WWOX: variants seen among roughly 807,000 people sequenced by gnomAD.
WWOX encodes the protein WW domain containing oxidoreductase, also known as WW domain-containing oxidoreductase.
In WWOX, 69 loss-of-function variants were observed where a neutral mutation model predicts 46.2. The observed-to-expected ratio is 1.49, with a 90% CI of 1.23 to 1.82. The LOEUF is 1.82. Ranked by LOEUF, WWOX falls within the 40% of genes most tolerant of loss-of-function variation. The probability of loss-of-function intolerance (pLI) is 0.00; values close to 1 mark genes in which losing one functional copy is unlikely to be tolerated. For missense variants in WWOX, 919 were observed against 542.6 expected, an observed-to-expected ratio of 1.69 and a Z score of -6.89; for synonymous variants, 359 against 202.6, an observed-to-expected ratio of 1.77 and a Z score of -6.56.
intron 8 of WWOX, among the ~76,000 whole-genome samples, chr16:78,508,768 C>T (rs1167353421): frequency 6.6e-6 from 1 of 152,214 alleles, no homozygotes; most frequent in African/African-American, 2.4e-5. Flanking sequence ...ACTATGCCTG[C>T]AGCCGATGTC....
At chr16:79,205,865 C>T (rs940897558) in intron 8 of WWOX, 1 of 152,192 alleles carries the variant, frequency 6.6e-6, no homozygotes, top group Non-Finnish European at 1.5e-5. Context: ...ACTCCAGAGC[C>T]CGCACCTACA....
chr16:79,110,982 T>G (rs1393441373), intron 8 of WWOX: 1 of 152,260 alleles, frequency 6.6e-6, no homozygotes, highest in East Asian at 1.9e-4. Flanking sequence ...ATTTTCCCCC[T>G]TCCATTCCCA....
At chr16:78,366,310 G>A (rs1413249047) in intron 5 of WWOX, among the ~76,000 whole-genome samples, 1 of 152,196 alleles carries the variant, frequency 6.6e-6, no homozygotes, top group African/African-American at 2.4e-5. Flanking sequence ...AAGGCAAAGT[G>A]TTTAGATATG....
At chr16:78,426,745 C>A (rs1175147536) in intron 7 of WWOX, among the ~76,000 whole-genome samples, 2 of 152,180 alleles carry the variant, frequency 1.3e-5, no homozygotes, top group Non-Finnish European at 2.9e-5. Flanking sequence ...CTCACCACAA[C>A]TTCAGACTCC....
At chr16:78,767,914 C>T (rs773696854) in intron 8 of WWOX, among the ~76,000 whole-genome samples, 1 of 151,952 alleles carries the variant, frequency 6.6e-6, no homozygotes, top group East Asian at 1.9e-4. Context: ...TTTTTGCTTT[C>T]TTTTGGCTAA....
At chr16:78,239,583 G>T (rs529023191) in intron 5 of WWOX, among the ~76,000 whole-genome samples, 1 of 152,218 alleles carries the variant, frequency 6.6e-6, no homozygotes, top group African/African-American at 2.4e-5. Context: ...CATACAGGCT[G>T]GAGTGCAGCA....
chr16:78,238,824 G>A (rs908072577), intron 5 of WWOX, among the ~76,000 whole-genome samples: 1 of 151,844 alleles, frequency 6.6e-6, no homozygotes, highest in East Asian at 1.9e-4. Flanking sequence ...TCTCCATTTT[G>A]GTCAGGCTGG....
At chr16:78,731,208 T>A (rs1252750613) in intron 8 of WWOX, among the ~76,000 whole-genome samples, 1 of 152,144 alleles carries the variant, frequency 6.6e-6, no homozygotes, top group African/African-American at 2.4e-5. Context: ...TTATCTGTAT[T>A]AATTAAAGAC....
intron 4 of WWOX, among the ~76,000 whole-genome samples, chr16:78,120,007 C>G (rs1348435320): frequency 6.6e-6 from 1 of 152,012 alleles, no homozygotes; most frequent in Admixed American, 6.6e-5. Context: ...GTTTTTGAGC[C>G]AAAGGACCCA....
At chr16:78,890,757 A>G (rs1052409622) in intron 8 of WWOX, 3 of 152,160 alleles carry the variant, frequency 2.0e-5, no homozygotes, top group Admixed American at 6.5e-5. Flanking sequence ...TCTGTTTTTT[A>G]TCTAAATGCC....
At chr16:78,548,182 C>T (rs1001994479) in intron 8 of WWOX, among the ~76,000 whole-genome samples, 1 of 85,998 alleles carries the variant, frequency 1.2e-5, no homozygotes, top group Non-Finnish European at 2.6e-5. Flanking sequence ...AAAAAAATTA[C>T]GAATTTTGCG....
intron 8 of WWOX, among the ~76,000 whole-genome samples, chr16:78,668,053 T>C (rs959932934): frequency 6.6e-6 from 1 of 151,868 alleles, no homozygotes; most frequent in Non-Finnish European, 1.5e-5. Context: ...CCGAGGCGGG[T>C]GGATCACTTG....
chr16:78,589,477 A>G (rs1242716823), intron 8 of WWOX, among the ~76,000 whole-genome samples: 1 of 151,828 alleles, frequency 6.6e-6, no homozygotes, highest in African/African-American at 2.4e-5. Flanking sequence ...CTGTCCTGCC[A>G]CTCTTTTCCT....
chr16:78,912,806 G>A (rs1293776048), intron 8 of WWOX, among the ~76,000 whole-genome samples: 3 of 151,982 alleles, frequency 2.0e-5, no homozygotes, highest in African/African-American at 4.8e-5. Flanking sequence ...GAGGCTGAGA[G>A]AGGAAGATAT....
intron 8 of WWOX, among the ~76,000 whole-genome samples, chr16:78,619,637 G>A (rs1009396011): frequency 1.2e-4 from 18 of 151,928 alleles, no homozygotes; most frequent in African/African-American, 4.1e-4. Flanking sequence ...GGGCGTGGTG[G>A]CTCATGTCTG....
chr16:78,601,017 ACCCT>A (rs1597330291), intron 8 of WWOX, among the ~76,000 whole-genome samples: 1 of 152,128 alleles, frequency 6.6e-6, no homozygotes, highest in East Asian at 1.9e-4. Flanking sequence ...CATTGCCTGC[ACCCT>A]CAACCTCGTT....
intron 5 of WWOX, among the ~76,000 whole-genome samples, chr16:78,196,641 A>G (rs990223638): frequency 1.3e-5 from 2 of 152,188 alleles, no homozygotes; most frequent in Admixed American, 6.6e-5. Context: ...ATTAGGGCGA[A>G]CCTTGTCTCC....
chr16:78,786,693 C>T, intron 8 of WWOX, among the ~76,000 whole-genome samples: 1 of 152,138 alleles, frequency 6.6e-6, no homozygotes. Flanking sequence ...ACTCTGTGCC[C>T]ATAGTTGGCA....
intron 8 of WWOX, among the ~76,000 whole-genome samples, chr16:79,168,866 A>C (rs2050646050): frequency 6.6e-6 from 1 of 152,204 alleles, no homozygotes; most frequent in African/African-American, 2.4e-5. Context: ...CGAGTTCCTT[A>C]ACATTTTTTA....
Sources: allele counts gnomAD v4.1 joint callset (sites outside exome capture counted in the v4.1 genomes callset), GRCh38; gene constraint gnomAD v4.1.1; transcripts MANE v1.5; gene names NCBI Gene and HGNC (gene_info 2026-07-23, HGNC 2026-07-21).